Variants in UMODL1 observed in about 807,000 individuals in gnomAD.
UMODL1 encodes uromodulin-like 1.
UMODL1 carries 128 observed loss-of-function variants against 136.3 expected under a neutral mutation model. That is an observed-to-expected ratio of 0.94 (90% confidence interval 0.81 to 1.09). The LOEUF (loss-of-function observed/expected upper bound fraction) is 1.09, where lower values mean the gene tolerates loss of function less well. UMODL1 is among the 50% of genes least tolerant of loss of function. The pLI is 0.00. For missense variants in UMODL1, 1,766 were observed against 1,725.6 expected (o/e 1.02, Z -0.41); for synonymous variants, 721 against 720.0 (o/e 1.00, Z -0.02).
chr21:42,109,911 G>A (rs1248423335), intron 10 of UMODL1, among the ~76,000 whole-genome samples: 3 of 152,226 alleles, frequency 2.0e-5, no homozygotes, highest in Non-Finnish European at 4.4e-5. Context: ...AATCTAGCTT[G>A]GATTACACTC....
At position 42,090,458 on chromosome 21, in the gene UMODL1, AGAT is replaced by A. The variant is rs1455067922; in HGVS notation, c.931+22_931+24del. 1 of 1,612,894 alleles carries A rather than the reference AGAT, an allele frequency of 6.2e-7. No individual in the cohort carries two copies. Among genetic ancestry groups the A allele is most frequent in the South Asian group, 1.1e-5 (1 of 91,014 alleles). ...GGGAAGGTAATGGCTAGGCTCTCTC[AGAT>A]GGCATGGGAATGGCTTAATTCCTGT... On this transcript the variant is annotated intron_variant, in intron 6 of 22. Transcript: ENST00000408910.
At position 42,085,334 on chromosome 21, in the gene UMODL1, A is replaced by G. The variant is rs927091690; in HGVS notation, c.525A>G (p.Ile175Met). The G allele has an allele frequency of 6.2e-7, 1 of 1,613,844 alleles. No homozygotes were observed. Among genetic ancestry groups the G allele is most frequent in the African/African-American group, 1.3e-5 (1 of 74,852 alleles). The change falls in exon 4 of 23, where the codon ATA becomes ATG. Residue 175 changes from isoleucine (I) to methionine (M), a missense_variant. Coordinates refer to ENST00000408910, the MANE Select transcript of UMODL1 (RefSeq NM_001004416.3). The surrounding 1 kb of genome is among the most constrained non-coding windows in gnomAD (Gnocchi z 4.5). Reference protein sequence around the residue: ...DPVGSWYNVTILVKMDFKELQ... With the variant: ...DPVGSWYNVTMLVKMDFKELQ... The stretch of plus-strand genomic sequence containing the variant: ...TGGGCTCCTGGTACAACGTCACCAT[A>G]CTGGTGAAAATGGACTTCAAGGAAC...
Position 42,122,483 on chromosome 21 carries a change from T to G in UMODL1, c.2828-348T>G, listed in dbSNP as rs1336958377. ...CATCAGGTCCCTCGGTCCTTGGCCC[T>G]CGGGGGCCCATGGTGAGCCTGGATC... On this transcript the variant is annotated intron_variant, in intron 16 of 22. Transcript: ENST00000408910. The surrounding 1 kb of genome is among the most constrained non-coding windows in gnomAD (Gnocchi z 4.3). Among the ~76,000 whole-genome samples the G allele has an allele frequency of 2.0e-5, 3 of 152,196 alleles. No homozygotes were observed. The highest frequency in any genetic ancestry group is 7.2e-5 in the African/African-American group (3 of 41,450).
chr21:42,073,664 G>A (rs928058884), intron 1 of UMODL1, among the ~76,000 whole-genome samples: 1 of 152,136 alleles, frequency 6.6e-6, no homozygotes, highest in Admixed American at 6.5e-5. Flanking sequence ...CCTGGGGTGA[G>A]TAACAAGCCC....
At chr21:42,120,885 C>T (rs147296154) in intron 15 of UMODL1, 14 of 561,484 alleles carry the variant, frequency 2.5e-5, no homozygotes, top group East Asian at 1.6e-4. Context: ...TCCAGAACAG[C>T]CCCTGCAGAC....
chr21:42,141,733 T>G, intron 22 of UMODL1, among the ~76,000 whole-genome samples: 3 of 149,232 alleles, frequency 2.0e-5, no homozygotes, highest in South Asian at 2.2e-4. Flanking sequence ...AGGTCGACCC[T>G]TGGGCAGCCC....
In UMODL1 at chr21:42,135,694, C is replaced by G. The variant is rs112306189; in HGVS notation, c.3776-1745C>G. On this transcript the variant is annotated intron_variant, in intron 21 of 22. Coordinates refer to ENST00000408910, the MANE Select transcript of UMODL1 (RefSeq NM_001004416.3). Reference sequence around the variant, plus strand: ...GGAGTTGTCTGGGGAAGTGGCCGGCCGGGATCTGGGGGCCTCGGTTTCTTG... The same window carrying G: ...GGAGTTGTCTGGGGAAGTGGCCGGCGGGGATCTGGGGGCCTCGGTTTCTTG... Among the ~76,000 whole-genome samples, 298 of 152,232 alleles carry G rather than the reference C, an allele frequency of 2.0e-3. 1 individual carries two copies. The highest frequency in any genetic ancestry group is 6.7e-3 in the African/African-American group (279 of 41,530).
intron 6 of UMODL1, 35 bp downstream of exon 6, chr21:42,090,473 G>A (rs1160016494): frequency 6.2e-7 from 1 of 1,608,950 alleles, no homozygotes; most frequent in African/African-American, 1.3e-5. Flanking sequence ...GCATGGGAAT[G>A]GCTTAATTCC....
rs373974463 is a variant in UMODL1, at chr21:42,086,551, T to C, written c.603+1139T>C. On this transcript the variant is annotated intron_variant, in intron 4 of 22. Coordinates refer to ENST00000408910, the MANE Select transcript of UMODL1 (RefSeq NM_001004416.3). ...TTAGCTTGTTAAGGGGACTGCCCAATTGGCCAGTAAGAAACTAGCTCTGAA... is the reference window on the plus strand; with the variant it reads ...TTAGCTTGTTAAGGGGACTGCCCAACTGGCCAGTAAGAAACTAGCTCTGAA... 4.6e-5 allele frequency: 21 copies of C among 455,830 alleles called. No homozygotes were observed. In the East Asian group the frequency reaches 9.0e-4, roughly 20 times the overall value. 28.2% of individuals were successfully genotyped at this position (455,830 alleles called of 1,614,324 possible).
intron 17 of UMODL1, among the ~76,000 whole-genome samples, chr21:42,125,451 C>A (rs1333172881): frequency 6.6e-6 from 1 of 152,224 alleles, no homozygotes; most frequent in Non-Finnish European, 1.5e-5. Flanking sequence ...ATTCCGCCCC[C>A]TCGGGGGCTC....
intron 10 of UMODL1, among the ~76,000 whole-genome samples, chr21:42,110,038 G>A (rs2066796499): frequency 6.6e-6 from 1 of 152,180 alleles, no homozygotes; most frequent in Middle Eastern, 3.2e-3. Flanking sequence ...TGCAGCCCGG[G>A]GTCGAGGGAT....
intron 14 of UMODL1, among the ~76,000 whole-genome samples, chr21:42,117,425 T>G (rs1391310987): frequency 6.6e-6 from 1 of 152,242 alleles, no homozygotes; most frequent in Non-Finnish European, 1.5e-5. Flanking sequence ...TGCTCTTTCC[T>G]GCATTCCTCC....
At chr21:42,106,269 G>A (rs530954719) in intron 9 of UMODL1, among the ~76,000 whole-genome samples, 1 of 152,226 alleles carries the variant, frequency 6.6e-6, no homozygotes, top group African/African-American at 2.4e-5. Flanking sequence ...ATCCACCCCC[G>A]CTGAGAGCCC....
intron 1 of UMODL1, among the ~76,000 whole-genome samples, chr21:42,074,204 G>C (rs1487060586): frequency 6.6e-6 from 1 of 152,186 alleles, no homozygotes; most frequent in East Asian, 1.9e-4. Context: ...CCAGCTTCTG[G>C]AGCTGCTGGC....
chr21:42,119,475 C>A, intron 15 of UMODL1, 151 bp downstream of exon 15: 1 of 679,412 alleles, frequency 1.5e-6, no homozygotes, highest in Non-Finnish European at 2.5e-6. Context: ...ATAGATAGGA[C>A]CCTGTCTGTC....
Position 42,082,854 on chromosome 21 carries a change from C to T in UMODL1, c.320-1230C>T, listed in dbSNP as rs758690259. ...TCTTGGAGCCCTGAGCATCAGCCTC[C>T]GGACTCCTGACAGCTTCCCTTTGGG... On this transcript the variant is annotated intron_variant, in intron 2 of 22. Transcript: ENST00000408910. Among the ~76,000 whole-genome samples, 131 of 152,210 alleles carry T rather than the reference C, an allele frequency of 8.6e-4. 2 individuals are homozygous for T. Among genetic ancestry groups the T allele is most frequent in the Non-Finnish European group, 3.4e-4 (23 of 68,040 alleles).
intron 1 of UMODL1, among the ~76,000 whole-genome samples, chr21:42,072,502 G>A (rs1453342040): frequency 6.6e-6 from 1 of 152,204 alleles, no homozygotes; most frequent in Non-Finnish European, 1.5e-5. Context: ...ATCCTGGGAA[G>A]CTGGAGAAGG....
intron 20 of UMODL1, among the ~76,000 whole-genome samples, chr21:42,129,452 AGGG>A (rs1201081521): frequency 6.6e-6 from 1 of 152,170 alleles, no homozygotes; most frequent in Non-Finnish European, 1.5e-5. Flanking sequence ...AAGCAGCTCA[AGGG>A]GTCTTCTCCA....
chr21:42,106,176 C>T (rs532321477), intron 9 of UMODL1, among the ~76,000 whole-genome samples: 6 of 152,294 alleles, frequency 3.9e-5, no homozygotes, highest in East Asian at 1.9e-4. Flanking sequence ...TGTCTTCGGA[C>T]GCCAGAGTCG....
Sources: allele counts gnomAD v4.1 joint callset (sites outside exome capture counted in the v4.1 genomes callset), GRCh38; gene constraint gnomAD v4.1.1; non-coding constraint Gnocchi (gnomAD v3.1); transcripts MANE v1.5; gene names NCBI Gene and HGNC (gene_info 2026-07-23, HGNC 2026-07-21).